The following TUSC3 variants were observed in gnomAD, a reference collection of about 807,000 sequenced individuals.
TUSC3 encodes the protein tumor suppressor candidate 3, also known as dolichyl-diphosphooligosaccharide--protein glycosyltransferase subunit TUSC3.
Under a neutral mutation model 44.8 loss-of-function variants are expected in TUSC3, and 45 were observed. That is an observed-to-expected ratio of 1.00 (90% CI 0.79 to 1.29). The LOEUF (loss-of-function observed/expected upper bound fraction) is 1.29, where lower values mean the gene tolerates loss of function less well. Ranked by LOEUF, TUSC3 falls within the 50% of genes most tolerant of loss-of-function variation. TUSC3 has a pLI of 0.00. For missense variants in TUSC3, 519 were observed against 437.9 expected (o/e 1.19, Z -1.65); for synonymous variants, 212 against 152.9 (o/e 1.39, Z -2.85).
intron 1 of TUSC3, among the ~76,000 whole-genome samples, chr8:15,428,774 A>T (rs1444388716): frequency 6.6e-6 from 1 of 152,128 alleles, no homozygotes; most frequent in African/African-American, 2.4e-5. Flanking sequence ...TCGTCTTTTG[A>T]GAAGTGTCTG....
At chr8:15,559,384 C>T (rs1323977714) in intron 1 of TUSC3, among the ~76,000 whole-genome samples, 1 of 148,782 alleles carries the variant, frequency 6.7e-6, no homozygotes, top group Non-Finnish European at 1.5e-5. Flanking sequence ...GTTATAATTT[C>T]TGTTCTTTTA....
At chr8:15,827,380 C>A in the TUSC3 span, among the ~76,000 whole-genome samples, 20 of 152,222 alleles carry the variant, frequency 1.3e-4, no homozygotes, top group East Asian at 3.7e-3. Context: ...CATGAATATT[C>A]TTTTAAAAAG....
At chr8:15,610,865 C>G (rs754172816) in intron 1 of TUSC3, among the ~76,000 whole-genome samples, 32 of 152,092 alleles carry the variant, frequency 2.1e-4, no homozygotes, top group Admixed American at 6.6e-4. Flanking sequence ...AAATGTGGAT[C>G]TCTCCTCAGG....
chr8:15,791,269 G>T, the TUSC3 span, among the ~76,000 whole-genome samples: 1 of 139,134 alleles, frequency 7.2e-6, no homozygotes, highest in South Asian at 2.2e-4. Context: ...GCCTCTTAGC[G>T]CCCCCCCCAA....
chr8:15,826,069 G>C, the TUSC3 span, among the ~76,000 whole-genome samples: 1 of 151,910 alleles, frequency 6.6e-6, no homozygotes, highest in Non-Finnish European at 1.5e-5. Context: ...GTATTTCTAG[G>C]GTGAGGTATG....
At chr8:15,565,088 G>C (rs940713340) in intron 1 of TUSC3, among the ~76,000 whole-genome samples, 4 of 151,944 alleles carry the variant, frequency 2.6e-5, no homozygotes, top group Non-Finnish European at 5.9e-5. Flanking sequence ...TCTGGAGGTG[G>C]GATGTCCAAG....
rs71211076 is a variant in TUSC3, at chr8:15,700,849, C to CTTTTTTTTTTTTTTTTTTTTTTTTTTTTT, written c.798+27031_798+27032insTTTTTTTTTTTTTTTTTTTTTTTTTTTTT. Reference sequence around the variant, plus strand: ...CTTTCACTAGAGGGAATGGCTGGAGCTTTTTTTTTTTTTTTTTTGCTTTGC... The same window carrying CTTTTTTTTTTTTTTTTTTTTTTTTTTTTT: ...CTTTCACTAGAGGGAATGGCTGGAGCTTTTTTTTTTTTTTTTTTTTTTTTTTTTTTTTTTTTTTTTTTTTTTTGCTTTGC... On this transcript the variant is annotated intron_variant, in intron 6 of 10. Transcript: ENST00000503731. Among the ~76,000 whole-genome samples, 16 of 90,538 alleles carry CTTTTTTTTTTTTTTTTTTTTTTTTTTTTT rather than the reference C, an allele frequency of 1.8e-4. 4 individuals are homozygous for CTTTTTTTTTTTTTTTTTTTTTTTTTTTTT. The highest frequency in any genetic ancestry group is 7.3e-4 in the African/African-American group (15 of 20,412). 59.4% of individuals were successfully genotyped at this position (90,538 alleles called of 152,430 possible). A position where few individuals can be genotyped will look rare whatever the true frequency, so the allele number is the denominator to read the frequency against.
chr8:15,837,285 A>G, the TUSC3 span, among the ~76,000 whole-genome samples: 21 of 152,222 alleles, frequency 1.4e-4, no homozygotes, highest in African/African-American at 4.3e-4. Flanking sequence ...CTTATGGCAT[A>G]TGTGCTTTTC....
chr8:15,598,879 T>C (rs574434665), intron 1 of TUSC3, among the ~76,000 whole-genome samples: 60 of 151,964 alleles, frequency 3.9e-4, no homozygotes, highest in African/African-American at 1.4e-3. Context: ...TTTTGGTAAT[T>C]ATGAATAAAG....
rs183087391 is a variant in TUSC3, at chr8:15,501,901, G to C, written n.189+18418G>C. On this transcript the variant is annotated intron_variant and non_coding_transcript_variant, in intron 2 of 5. Coordinates refer to the TUSC3 transcript ENST00000503191. ...AATAACACAGTCTCTTATCCTACCT[G>C]TGTCCACCTTAGTTCAGTCTTGATC... Among the ~76,000 whole-genome samples, 334 of 152,280 alleles carry C rather than the reference G, an allele frequency of 2.2e-3. 2 individuals are homozygous for C. Among genetic ancestry groups the C allele is most frequent in the African/African-American group, 7.7e-3 (320 of 41,552 alleles).
At chr8:15,440,795 G>T (rs1303556126) in intron 1 of TUSC3, among the ~76,000 whole-genome samples, 3 of 152,160 alleles carry the variant, frequency 2.0e-5, no homozygotes, top group Admixed American at 6.5e-5. Context: ...GAACTACTGG[G>T]AAGAGAGAGA....
chr8:15,609,679 A>G (rs1234790937), intron 1 of TUSC3, among the ~76,000 whole-genome samples: 1 of 152,092 alleles, frequency 6.6e-6, no homozygotes, highest in African/African-American at 2.4e-5. Context: ...TTATAATGAT[A>G]CTGTCTCTTG....
At chr8:15,549,186 AT>A in intron 1 of TUSC3, among the ~76,000 whole-genome samples, 1 of 151,668 alleles carries the variant, frequency 6.6e-6, no homozygotes, top group East Asian at 2.0e-4. Flanking sequence ...ATTTTATTTT[AT>A]TTTTTGAGAC....
At chr8:15,708,823 C>A (rs987324933) in intron 6 of TUSC3, among the ~76,000 whole-genome samples, 2 of 151,766 alleles carry the variant, frequency 1.3e-5, no homozygotes, top group Non-Finnish European at 2.9e-5. Context: ...AGAAAACAGT[C>A]CAAATCCGTG....
chr8:15,758,954 C>G (rs1812052368), intron 10 of TUSC3, among the ~76,000 whole-genome samples: 1 of 152,106 alleles, frequency 6.6e-6, no homozygotes, highest in Admixed American at 6.6e-5. Flanking sequence ...TTGTTTTAGA[C>G]TCAAAGACTT....
intron 7 of TUSC3, among the ~76,000 whole-genome samples, chr8:15,738,169 ATACT>A (rs1283534064): frequency 2.6e-5 from 4 of 152,310 alleles, no homozygotes; most frequent in African/African-American, 4.8e-5. Flanking sequence ...GAAAGAGATC[ATACT>A]TACTTACTGA....
chr8:15,438,759 A>G (rs1238389492), intron 1 of TUSC3, among the ~76,000 whole-genome samples: 1 of 152,172 alleles, frequency 6.6e-6, no homozygotes, highest in African/African-American at 2.4e-5. Flanking sequence ...ATTGCACTGA[A>G]AAATATATTG....
chr8:15,699,736 T>A (rs1424441345), intron 6 of TUSC3, among the ~76,000 whole-genome samples: 1 of 152,192 alleles, frequency 6.6e-6, no homozygotes, highest in African/African-American at 2.4e-5. Context: ...TAGTGCCCTT[T>A]ACAAAGAGTA....
the TUSC3 span, among the ~76,000 whole-genome samples, chr8:15,776,246 C>T: frequency 6.6e-6 from 1 of 152,068 alleles, no homozygotes; most frequent in Non-Finnish European, 1.5e-5. Flanking sequence ...TACCTATAAA[C>T]ATGTAATGAA....
Sources: allele counts gnomAD v4.1 joint callset (sites outside exome capture counted in the v4.1 genomes callset), GRCh38; gene constraint gnomAD v4.1.1; transcripts MANE v1.5; gene names NCBI Gene and HGNC (gene_info 2026-07-23, HGNC 2026-07-21).